CDH18: variants seen among roughly 807,000 people sequenced by gnomAD.
CDH18 encodes cadherin 18, also known as cadherin-18.
In CDH18, 31 loss-of-function variants were observed where a neutral mutation model predicts 67.9. The observed-to-expected ratio is 0.46, with a 90% CI of 0.34 to 0.62. The LOEUF (loss-of-function observed/expected upper bound fraction) is 0.62, where lower values mean the gene tolerates loss of function less well. CDH18 is among the 20% of genes least tolerant of loss of function. The probability of loss-of-function intolerance (pLI) is 0.01; values close to 1 mark genes in which losing one functional copy is unlikely to be tolerated. For missense variants in CDH18, 890 were observed against 975.5 expected, an observed-to-expected ratio of 0.91 and a Z score of 1.17; for synonymous variants, 362 against 347.2, an observed-to-expected ratio of 1.04 and a Z score of -0.48.
intron 2 of CDH18, among the ~76,000 whole-genome samples, chr5:20,170,488 A>G (rs1219943094): frequency 1.3e-5 from 2 of 152,070 alleles, no homozygotes; most frequent in African/African-American, 4.8e-5. Flanking sequence ...GAAATATTCT[A>G]AGTGTTAAAT....
intron 2 of CDH18, among the ~76,000 whole-genome samples, chr5:19,884,918 G>T (rs1238438795): frequency 6.6e-6 from 1 of 152,000 alleles, no homozygotes; most frequent in Admixed American, 6.6e-5. Context: ...GCAAACTAGG[G>T]ACATTATAAT....
chr5:19,773,901 C>T (rs1188589143), intron 3 of CDH18, among the ~76,000 whole-genome samples: 2 of 152,066 alleles, frequency 1.3e-5, no homozygotes, highest in South Asian at 4.2e-4. Context: ...CATTTAAAAA[C>T]TTGGAATCAT....
chr5:19,510,645 G>A (rs1166694766), intron 10 of CDH18, among the ~76,000 whole-genome samples: 1 of 152,002 alleles, frequency 6.6e-6, no homozygotes, highest in East Asian at 1.9e-4. Flanking sequence ...TTTTGATATG[G>A]TTAGGTTTTG....
rs991198158 is a variant in CDH18 at position 19,492,818 on chromosome 5, C to T, written c.1631-9266G>A. On this transcript the variant is annotated intron_variant, in intron 11 of 12. Coordinates refer to ENST00000382275, the MANE Select transcript of CDH18 (RefSeq NM_004934.5). ...TTAATAAATTGGGAGAAATAACTTT[C>T]CAGATAAATACGGAGGATTTCTTGG... is the stretch of plus-strand genomic sequence containing the variant. 2.0e-5 allele frequency among the ~76,000 whole-genome samples: 3 copies of T among 152,204 alleles called. No individual in the cohort carries two copies. In the East Asian group the frequency reaches 5.8e-4, roughly 29 times the overall value.
At chr5:19,712,639 TTATA>T (rs962156685) in intron 5 of CDH18, among the ~76,000 whole-genome samples, 3 of 105,322 alleles carry the variant, frequency 2.8e-5, no homozygotes, top group Non-Finnish European at 4.5e-5. Flanking sequence ...AGCTTAAAAT[TTATA>T]TATATATATA....
intron 8 of CDH18, among the ~76,000 whole-genome samples, chr5:19,571,266 T>C (rs1237844232): frequency 1.3e-5 from 2 of 152,184 alleles, no homozygotes; most frequent in Non-Finnish European, 2.9e-5. Context: ...AAGGGAGCAA[T>C]AGATTCTCTA....
intron 8 of CDH18, among the ~76,000 whole-genome samples, chr5:19,545,523 C>CA (rs1235244973): frequency 6.6e-6 from 1 of 152,090 alleles, no homozygotes; most frequent in African/African-American, 2.4e-5. Flanking sequence ...AATTATTTGT[C>CA]AACTTGGACA....
chr5:20,292,288 T>A (rs1354890814), intron 1 of CDH18, among the ~76,000 whole-genome samples: 1 of 152,208 alleles, frequency 6.6e-6, no homozygotes, highest in African/African-American at 2.4e-5. Context: ...TTTCTGAGAT[T>A]GAGAAACACT....
intron 3 of CDH18, among the ~76,000 whole-genome samples, chr5:19,750,550 T>C (rs1770701578): frequency 6.6e-6 from 1 of 151,956 alleles, no homozygotes; most frequent in Non-Finnish European, 1.5e-5. Flanking sequence ...GGGTCACCAG[T>C]GAGACATCAA....
At chr5:20,219,279 T>C (rs755431247) in intron 2 of CDH18, among the ~76,000 whole-genome samples, 24 of 151,880 alleles carry the variant, frequency 1.6e-4, no homozygotes, top group Admixed American at 7.9e-4. Flanking sequence ...ACTTGAACCA[T>C]GAAAAATCCA....
At chr5:19,746,347 T>G (rs1769994560) in intron 4 of CDH18, among the ~76,000 whole-genome samples, 1 of 152,172 alleles carries the variant, frequency 6.6e-6, no homozygotes, top group Non-Finnish European at 1.5e-5. Flanking sequence ...TTTGCAAAAG[T>G]GACTTAAATA....
intron 2 of CDH18, among the ~76,000 whole-genome samples, chr5:20,076,861 A>G (rs1743989138): frequency 6.6e-6 from 1 of 151,792 alleles, no homozygotes; most frequent in Non-Finnish European, 1.5e-5. Flanking sequence ...TATTTTATGA[A>G]CAATATAAAG....
chr5:20,087,315 G>A (rs888877200), intron 2 of CDH18, among the ~76,000 whole-genome samples: 5 of 152,098 alleles, frequency 3.3e-5, no homozygotes, highest in African/African-American at 1.2e-4. Flanking sequence ...TGAAGATGAT[G>A]TGAACATTGT....
chr5:19,473,139 G>A lies in CDH18; in HGVS notation c.*87C>T. 6.6e-7 allele frequency: 1 copy of A among 1,515,818 alleles called. No individual in the cohort carries two copies. Among genetic ancestry groups the A allele is most frequent in the Non-Finnish European group, 8.9e-7 (1 of 1,123,410 alleles). 93.9% of individuals were successfully genotyped at this position (1,515,818 alleles called of 1,614,324 possible). On this transcript the variant is annotated 3_prime_UTR_variant, in exon 13 of 13. Transcript: ENST00000382275. ...TCCAGCTTCCTCAGTTCCAAGTACT[G>A]TTTCCACACTTCTTCCTTGTCATTG... is the stretch of plus-strand genomic sequence containing the variant.
At chr5:19,486,959 T>C (rs1232547267) in intron 11 of CDH18, among the ~76,000 whole-genome samples, 2 of 152,030 alleles carry the variant, frequency 1.3e-5, no homozygotes, top group Non-Finnish European at 2.9e-5. Flanking sequence ...ATGTGCACCA[T>C]AGCTGGGTTC....
At chr5:19,947,641 C>T (rs1795402409) in intron 2 of CDH18, among the ~76,000 whole-genome samples, 1 of 147,560 alleles carries the variant, frequency 6.8e-6, no homozygotes, top group Admixed American at 6.8e-5. Context: ...CCTGCGCCTG[C>T]ACTCCCAGCT....
chr5:20,401,307 C>T (rs1411101982), intron 1 of CDH18, among the ~76,000 whole-genome samples: 1 of 152,148 alleles, frequency 6.6e-6, no homozygotes, highest in Non-Finnish European at 1.5e-5. Flanking sequence ...GTATTACATG[C>T]ATTTCTCATG....
intron 1 of CDH18, among the ~76,000 whole-genome samples, chr5:20,349,346 G>A (rs902917640): frequency 2.0e-5 from 3 of 152,048 alleles, no homozygotes; most frequent in African/African-American, 7.2e-5. Context: ...AAGCTCATTT[G>A]CAATTTACAT....
intron 2 of CDH18, among the ~76,000 whole-genome samples, chr5:20,083,066 T>C (rs1220200431): frequency 6.6e-6 from 1 of 152,190 alleles, no homozygotes; most frequent in Non-Finnish European, 1.5e-5. Flanking sequence ...ATATGTTACA[T>C]TGCATTTCCA....
Sources: gnomAD v4.1 joint callset for allele counts (sites outside exome capture counted in the v4.1 genomes callset) on GRCh38, gnomAD v4.1.1 for gene constraint, MANE v1.5 for transcripts, NCBI Gene and HGNC (gene_info 2026-07-23, HGNC 2026-07-21) for gene names.